Variants in ABTB3 observed in about 807,000 individuals in gnomAD.
ABTB3 encodes ankyrin repeat and BTB domain containing 3.
At chr12:107,425,542 T>C in the ABTB3 span, among the ~76,000 whole-genome samples, 3 of 152,242 alleles carry the variant, frequency 2.0e-5, no homozygotes, top group African/African-American at 7.2e-5. Flanking sequence ...AATTGCACCT[T>C]AAAAGGGTTA....
chr12:107,633,757 A>C, the ABTB3 span, among the ~76,000 whole-genome samples: 1 of 152,206 alleles, frequency 6.6e-6, no homozygotes, highest in Admixed American at 6.5e-5. Context: ...CCCATGACAG[A>C]ATTTCAGTGC....
the ABTB3 span, among the ~76,000 whole-genome samples, chr12:107,472,664 C>T: frequency 3.9e-5 from 6 of 152,172 alleles, no homozygotes; most frequent in Admixed American, 6.5e-5. Flanking sequence ...GATGTACGAG[C>T]ATTGGCTGCT....
chr12:107,325,998 C>T, the ABTB3 span, among the ~76,000 whole-genome samples: 13 of 152,172 alleles, frequency 8.5e-5, no homozygotes, highest in Non-Finnish European at 1.8e-4. Flanking sequence ...CTCCACCTCC[C>T]AGGTTCAAGA....
chr12:107,625,897 C>T, the ABTB3 span, among the ~76,000 whole-genome samples: 27 of 152,306 alleles, frequency 1.8e-4, no homozygotes, highest in Non-Finnish European at 1.0e-4. Flanking sequence ...AGCCTTCCCA[C>T]TTGACTTTTG....
chr12:107,592,909 G>C, the ABTB3 span, among the ~76,000 whole-genome samples: 1 of 152,142 alleles, frequency 6.6e-6, no homozygotes, highest in African/African-American at 2.4e-5. Flanking sequence ...TATGTGTGCT[G>C]AAAATAATTC....
At chr12:107,497,376 CACCATCATCATCTCT>C in the ABTB3 span, among the ~76,000 whole-genome samples, 3 of 150,356 alleles carry the variant, frequency 2.0e-5, no homozygotes, top group Admixed American at 2.0e-4. Flanking sequence ...TCACCATCGC[CACCATCATCATCTCT>C]ACCATCATCA....
the ABTB3 span, among the ~76,000 whole-genome samples, chr12:107,370,977 G>A: frequency 4.3e-4 from 65 of 152,036 alleles, no homozygotes; most frequent in Middle Eastern, 6.8e-3. Flanking sequence ...CTCAGAGGGC[G>A]TTTATCTCAG....
chr12:107,533,063 C>T, the ABTB3 span, among the ~76,000 whole-genome samples: 1,946 of 151,832 alleles, frequency 0.013, 40 homozygotes, highest in African/African-American at 0.043. Flanking sequence ...ACAATATCTA[C>T]CCTGAAAAAA....
chr12:107,477,142 C>A, the ABTB3 span, among the ~76,000 whole-genome samples: 343 of 152,170 alleles, frequency 2.3e-3, 5 homozygotes, highest in African/African-American at 7.7e-3. Flanking sequence ...GGCATTGGTG[C>A]GCATGCATTG....
At chr12:107,437,834 C>T in the ABTB3 span, among the ~76,000 whole-genome samples, 1 of 152,152 alleles carries the variant, frequency 6.6e-6, no homozygotes, top group Non-Finnish European at 1.5e-5. Flanking sequence ...AATAAGGTCA[C>T]ATTCACACAT....
chr12:107,444,807 G>A, the ABTB3 span, among the ~76,000 whole-genome samples: 34 of 152,320 alleles, frequency 2.2e-4, no homozygotes, highest in South Asian at 2.7e-3. Flanking sequence ...TGTTTCTAAC[G>A]GGGCAGTTAA....
At chr12:107,399,387 C>A in the ABTB3 span, among the ~76,000 whole-genome samples, 1 of 152,156 alleles carries the variant, frequency 6.6e-6, no homozygotes, top group Non-Finnish European at 1.5e-5. Context: ...CACAGCACCC[C>A]ACCCCCCAAA....
chr12:107,455,436 A>AT, the ABTB3 span, among the ~76,000 whole-genome samples: 21,685 of 142,268 alleles, frequency 0.15, 1,708 homozygotes, highest in East Asian at 0.32. Context: ...TTGTGATGGG[A>AT]TTTTTTTTTT....
At chr12:107,546,559 A>G in the ABTB3 span, among the ~76,000 whole-genome samples, 8 of 152,218 alleles carry the variant, frequency 5.3e-5, no homozygotes, top group Middle Eastern at 3.4e-3. Flanking sequence ...TTTCTACTTC[A>G]GTTTCTACTT....
chr12:107,562,787 C>G, the ABTB3 span, among the ~76,000 whole-genome samples: 1 of 152,218 alleles, frequency 6.6e-6, no homozygotes, highest in African/African-American at 2.4e-5. Context: ...GCACTAGGAA[C>G]AGTACCATTT....
the ABTB3 span, among the ~76,000 whole-genome samples, chr12:107,430,284 T>G: frequency 6.6e-6 from 1 of 152,382 alleles, no homozygotes; most frequent in East Asian, 1.9e-4. Context: ...CTTTTATAAA[T>G]AGCATCATGT....
the ABTB3 span, among the ~76,000 whole-genome samples, chr12:107,413,234 A>G: frequency 6.6e-6 from 1 of 152,182 alleles, no homozygotes. Flanking sequence ...AGATCGCGCC[A>G]CTGCACTCCA....
chr12:107,421,435 C>T, the ABTB3 span, among the ~76,000 whole-genome samples: 1 of 152,158 alleles, frequency 6.6e-6, no homozygotes, highest in Non-Finnish European at 1.5e-5. Context: ...AGGGAGCACC[C>T]GCTCTGTGCC....
the ABTB3 span, among the ~76,000 whole-genome samples, chr12:107,503,277 A>G: frequency 6.6e-6 from 1 of 152,166 alleles, no homozygotes; most frequent in African/African-American, 2.4e-5. Flanking sequence ...AGTGGCCCAG[A>G]GTATGACAGC....
Sources: allele counts gnomAD v4.1 joint callset (sites outside exome capture counted in the v4.1 genomes callset), GRCh38; gene constraint gnomAD v4.1.1; transcripts MANE v1.5; gene names NCBI Gene and HGNC (gene_info 2026-07-23, HGNC 2026-07-21).